Variants in MLLT10 observed in about 807,000 individuals in gnomAD.
The protein encoded by MLLT10 is MLLT10 histone lysine methyltransferase DOT1L cofactor.
In MLLT10, 30 loss-of-function variants were observed where a neutral mutation model predicts 129.1. That is an observed-to-expected ratio of 0.23 (90% CI 0.17 to 0.32). The LOEUF (loss-of-function observed/expected upper bound fraction) is 0.32, where lower values mean the gene tolerates loss of function less well. MLLT10 is among the 10% of genes least tolerant of loss of function. The probability of loss-of-function intolerance (pLI) is 1.00; values close to 1 mark genes in which losing one functional copy is unlikely to be tolerated. For synonymous variants in MLLT10, 490 were observed against 446.4 expected, an observed-to-expected ratio of 1.10 and a Z score of -1.23; for missense variants, 1,119 against 1,268.3, an observed-to-expected ratio of 0.88 and a Z score of 1.79.
chr10:21,571,398 C>G (rs2040190491), intron 3 of MLLT10, among the ~76,000 whole-genome samples: 1 of 152,204 alleles, frequency 6.6e-6, no homozygotes. Context: ...GGACTTCCAG[C>G]TTCATTTCCT....
At chr10:21,627,428 A>G (rs893404010) in intron 8 of MLLT10, among the ~76,000 whole-genome samples, 2 of 152,224 alleles carry the variant, frequency 1.3e-5, no homozygotes, top group Non-Finnish European at 2.9e-5. Flanking sequence ...GATGTCATCT[A>G]CACCAAAGGG....
chr10:21,646,853 CTTTT>C (rs1193229400), intron 8 of MLLT10, among the ~76,000 whole-genome samples: 1 of 139,876 alleles, frequency 7.1e-6, no homozygotes, highest in Admixed American at 7.2e-5. Flanking sequence ...TGACTATTCC[CTTTT>C]TTTTTTTTTT....
chr10:21,609,131 C>T (rs1486508788), intron 5 of MLLT10, among the ~76,000 whole-genome samples: 3 of 152,170 alleles, frequency 2.0e-5, no homozygotes, highest in Non-Finnish European at 4.4e-5. Flanking sequence ...CTTCCCTCCA[C>T]CAGTTCCCCA....
chr10:21,618,297 A>C (rs998734978), intron 8 of MLLT10, among the ~76,000 whole-genome samples: 6 of 151,796 alleles, frequency 4.0e-5, no homozygotes, highest in South Asian at 2.1e-4. Flanking sequence ...GGAGTTTGAG[A>C]CCAGCCTGGC....
intron 2 of MLLT10, 87 bp from the exon 3 acceptor site, chr10:21,538,746 G>C: frequency 1.1e-6 from 1 of 902,362 alleles, no homozygotes; most frequent in Non-Finnish European, 1.8e-6. Flanking sequence ...AATAGTGACA[G>C]GTGGATTAAT....
intron 13 of MLLT10, among the ~76,000 whole-genome samples, chr10:21,705,787 C>A (rs1403362794): frequency 6.6e-6 from 1 of 152,222 alleles, no homozygotes; most frequent in Admixed American, 6.5e-5. Context: ...TGGTGCTTTG[C>A]TGTTGCTGCT....
At position 21,727,910 on chromosome 10, in the gene MLLT10, G is replaced by T. The variant is rs757081887; in HGVS notation, c.2045G>T (p.Arg682Leu). Residue 682 changes from arginine to leucine, a missense_variant, in exon 16 of 23, where the codon CGA becomes CTA. Around this residue, in one of 5 missense-constraint regions of MLLT10, gnomAD observed 1,004 missense variants for 1,008.7 expected, o/e 1.00. Transcript: ENST00000307729. ...RNLVGRGSSP[R>L]GSLSPRSPVS... is the part of the protein sequence containing the mutation. ...CTAGTTGGCAGAGGAAGCTCACCCC[G>T]AGGAAGTCTCTCGCCACGGTAAGCG... The T allele has an allele frequency of 6.2e-7, 1 of 1,613,986 alleles. No homozygotes were observed. Among genetic ancestry groups the T allele is most frequent in the East Asian group, 2.2e-5 (1 of 44,880 alleles).
At chr10:21,662,572 A>G (rs901933056) in intron 9 of MLLT10, among the ~76,000 whole-genome samples, 1 of 152,000 alleles carries the variant, frequency 6.6e-6, no homozygotes, top group Non-Finnish European at 1.5e-5. Context: ...ATTTGCTTTC[A>G]TTATGCATAT....
At chr10:21,738,017 C>T (rs893915492) in intron 21 of MLLT10, among the ~76,000 whole-genome samples, 10 of 152,064 alleles carry the variant, frequency 6.6e-5, no homozygotes, top group Non-Finnish European at 1.5e-4. Context: ...TGCCTGTAAT[C>T]CCAGCACTTT....
Position 21,733,914 on chromosome 10 carries a change from A to C in MLLT10, c.2643A>C (p.Gly881=). 2 of 1,614,186 alleles carry C rather than the reference A, an allele frequency of 1.2e-6. No homozygotes were observed. Among genetic ancestry groups the C allele is most frequent in the Non-Finnish European group, 1.7e-6 (2 of 1,180,034 alleles). ...NGVTVGALAS[G]MQPVTSTIPA... is the part of the protein sequence containing the mutation. ...TGACAGTGGGGGCACTAGCTAGTGG[A>C]ATGCAGCCTGTAACTTCCACCATTC... The change falls in exon 20 of 23, where the codon GGA becomes GGC. Residue 881 remains glycine (G), a synonymous_variant. Coordinates refer to ENST00000307729, the MANE Select transcript of MLLT10 (RefSeq NM_001195626.3).
intron 21 of MLLT10, among the ~76,000 whole-genome samples, chr10:21,737,656 G>C (rs2058482987): frequency 6.6e-6 from 1 of 152,170 alleles, no homozygotes; most frequent in African/African-American, 2.4e-5. Context: ...ATGGGAAATA[G>C]AGAACTTGTA....
At chr10:21,717,640 T>TTTCCTCCTCCTC (rs1564710672) in intron 14 of MLLT10, among the ~76,000 whole-genome samples, 743 of 36,492 alleles carry the variant, frequency 0.02, 81 homozygotes, top group African/African-American at 0.074. Context: ...TCCTCCTCCT[T>TTTCCTCCTCCTC]TTCCTCCTCC....
At chr10:21,712,939 GTTTCCTGT>G (rs1489205040) in intron 13 of MLLT10, among the ~76,000 whole-genome samples, 1 of 152,122 alleles carries the variant, frequency 6.6e-6, no homozygotes, top group Non-Finnish European at 1.5e-5. Context: ...AAATTAACTT[GTTTCCTGT>G]TAACTTATGC....
Position 21,682,239 on chromosome 10 carries a change from C to G in MLLT10, c.1681C>G (p.Leu561Val). ...TTACTTAAAAGCGTTCTCAGAGTTGCTGAATGCAATACACAACGGTAAGTT... is the reference window on the plus strand; with the variant it reads ...TTACTTAAAAGCGTTCTCAGAGTTGGTGAATGCAATACACAACGGTAAGTT... Reference protein sequence around the residue: ...ACPTTTFSELLNAIHNGIYNS... With the variant: ...ACPTTTFSELVNAIHNGIYNS... Residue 561 changes from leucine to valine, a missense_variant, in exon 13 of 23, where the codon CTG (leucine) becomes GTG (valine). Physicochemically the swap from Leu to Val is conservative, Grantham distance 32. Transcript: ENST00000307729. 1 of 1,611,016 alleles carries G rather than the reference C, an allele frequency of 6.2e-7. No individual in the cohort carries two copies. Among genetic ancestry groups the G allele is most frequent in the Non-Finnish European group, 8.5e-7 (1 of 1,178,896 alleles).
intron 9 of MLLT10, among the ~76,000 whole-genome samples, chr10:21,654,773 G>T (rs947879474): frequency 2.0e-5 from 3 of 152,078 alleles, no homozygotes; most frequent in African/African-American, 7.3e-5. Flanking sequence ...GTAAATGCCA[G>T]GGGGGTTATA....
At chr10:21,615,462 A>G (rs1207443208) in intron 7 of MLLT10, among the ~76,000 whole-genome samples, 3 of 133,420 alleles carry the variant, frequency 2.2e-5, no homozygotes, top group African/African-American at 7.5e-5. Context: ...CGTCTCAAAA[A>G]AAAAAAAAAA....
chr10:21,560,882 G>A (rs560065347), intron 3 of MLLT10, among the ~76,000 whole-genome samples: 14 of 151,748 alleles, frequency 9.2e-5, no homozygotes, highest in Admixed American at 7.9e-4. Context: ...TGTATTCTTT[G>A]GAGAATTTTC....
chr10:21,625,610 T>C lies in MLLT10; in HGVS notation c.699+8403T>C. The C allele has an allele frequency of 4.0e-6, 3 of 756,956 alleles. 1 individual carries two copies. Among genetic ancestry groups the C allele is most frequent in the East Asian group, 4.9e-5 (2 of 40,626 alleles). 46.9% of individuals were successfully genotyped at this position (756,956 alleles called of 1,614,324 possible). ...CTTCTTTTTGTCATCAGGTTGATCA[T>C]AGAGAATGACGTCCACCAAACCCTC... is the stretch of plus-strand genomic sequence containing the variant. On this transcript the variant is annotated intron_variant, in intron 8 of 22. Transcript: ENST00000307729.
chr10:21,617,791 T>C (rs936600459), intron 8 of MLLT10, among the ~76,000 whole-genome samples: 1 of 152,242 alleles, frequency 6.6e-6, no homozygotes, highest in Non-Finnish European at 1.5e-5. Context: ...TAGGAAATAC[T>C]TTTTAATAAA....
Sources: gnomAD v4.1 joint callset for allele counts (sites outside exome capture counted in the v4.1 genomes callset) on GRCh38, gnomAD v4.1.1 for gene constraint, gnomAD v4.1.1 regional missense constraint, MANE v1.5 for transcripts, NCBI Gene and HGNC (gene_info 2026-07-23, HGNC 2026-07-21) for gene names.